The following FER variants were observed in gnomAD, a reference collection of about 807,000 sequenced individuals.
FER encodes FER tyrosine kinase.
Under a neutral mutation model 111.0 loss-of-function variants are expected in FER, and 63 were observed. The ratio of observed to expected loss-of-function variants is 0.57; its 90% CI spans 0.46 to 0.70. The LOEUF (loss-of-function observed/expected upper bound fraction) is 0.70, where lower values mean the gene tolerates loss of function less well. Ranked by LOEUF, FER falls within the 30% of genes least tolerant of loss-of-function variation. The probability of loss-of-function intolerance (pLI) is 0.00; values close to 1 mark genes in which losing one functional copy is unlikely to be tolerated. For synonymous variants in FER, 327 were observed against 313.9 expected (o/e 1.04, Z -0.44); for missense variants, 914 against 954.0 (o/e 0.96, Z 0.55).
At chr5:108,810,279 G>C (rs1757618092) in intron 3 of FER, among the ~76,000 whole-genome samples, 1 of 152,158 alleles carries the variant, frequency 6.6e-6, no homozygotes, top group South Asian at 2.1e-4. Context: ...ACGTGGCTGT[G>C]GCTAACACAG....
chr5:109,132,172 C>G (rs575367385), intron 17 of FER, among the ~76,000 whole-genome samples: 52 of 152,194 alleles, frequency 3.4e-4, no homozygotes, highest in Non-Finnish European at 1.8e-4. Context: ...TTAAAAATTA[C>G]CCAATTCCCA....
chr5:108,824,372 T>A (rs1353335675), intron 3 of FER, among the ~76,000 whole-genome samples: 1 of 151,992 alleles, frequency 6.6e-6, no homozygotes, highest in African/African-American at 2.4e-5. Context: ...TTGCTTTCAA[T>A]CTGTAGATTG....
chr5:109,044,189 T>G (rs927011192), intron 14 of FER, among the ~76,000 whole-genome samples: 1 of 151,746 alleles, frequency 6.6e-6, no homozygotes, highest in African/African-American at 2.4e-5. Flanking sequence ...GGCCTTTTTT[T>G]TTTTTTGGAG....
At chr5:108,752,198 C>A (rs1750583217) in intron 1 of FER, among the ~76,000 whole-genome samples, 1 of 151,998 alleles carries the variant, frequency 6.6e-6, no homozygotes, top group Admixed American at 6.5e-5. Context: ...AATCAAGGCT[C>A]CAATTTTCCC....
intron 3 of FER, among the ~76,000 whole-genome samples, chr5:108,810,191 C>A (rs1757605487): frequency 6.6e-6 from 1 of 152,096 alleles, no homozygotes; most frequent in South Asian, 2.1e-4. Context: ...GTATGGACTT[C>A]CGTTGGCAGG....
chr5:108,801,484 G>A (rs1443555528), intron 3 of FER, among the ~76,000 whole-genome samples: 1 of 152,196 alleles, frequency 6.6e-6, no homozygotes, highest in African/African-American at 2.4e-5. Context: ...GTAGATGCCT[G>A]AAGCTGTGGA....
chr5:109,061,115 T>G (rs944072060), intron 16 of FER, among the ~76,000 whole-genome samples: 1 of 152,202 alleles, frequency 6.6e-6, no homozygotes, highest in African/African-American at 2.4e-5. Flanking sequence ...ATGTTTAGCC[T>G]TTATACGTGT....
At chr5:108,899,565 G>A (rs78567064) in intron 10 of FER, among the ~76,000 whole-genome samples, 9,273 of 152,014 alleles carry the variant, frequency 0.061, 371 homozygotes, top group Non-Finnish European at 0.082. Flanking sequence ...TTGGGAGGCC[G>A]AGGTGGGTGG....
chr5:108,990,225 A>G (rs1481509828), intron 13 of FER, among the ~76,000 whole-genome samples: 2 of 151,966 alleles, frequency 1.3e-5, no homozygotes, highest in South Asian at 2.1e-4. Context: ...TTTACATAGT[A>G]TTAGAAGGAA....
intron 13 of FER, among the ~76,000 whole-genome samples, chr5:108,966,868 C>T (rs1039320570): frequency 6.6e-6 from 1 of 152,068 alleles, no homozygotes; most frequent in Non-Finnish European, 1.5e-5. Context: ...GTAACATACA[C>T]AGTAACATTG....
At chr5:109,027,536 C>G (rs72790554) in intron 13 of FER, among the ~76,000 whole-genome samples, 1 of 152,008 alleles carries the variant, frequency 6.6e-6, no homozygotes. Context: ...AGTCACACTT[C>G]TAATCACTCT....
chr5:108,927,032 G>C (rs886880553), intron 10 of FER, among the ~76,000 whole-genome samples: 4 of 151,986 alleles, frequency 2.6e-5, no homozygotes, highest in Admixed American at 2.0e-4. Context: ...TGGGTCATCT[G>C]TTCCCTCCAA....
chr5:109,117,638 G>C (rs950398401), intron 17 of FER, among the ~76,000 whole-genome samples: 3 of 151,970 alleles, frequency 2.0e-5, no homozygotes, highest in Non-Finnish European at 4.4e-5. Context: ...TCCTACCCAT[G>C]AGCATGGAAT....
intron 17 of FER, among the ~76,000 whole-genome samples, chr5:109,169,631 T>G (rs1000673386): frequency 5.3e-5 from 8 of 152,176 alleles, no homozygotes; most frequent in Non-Finnish European, 8.8e-5. Flanking sequence ...TACTGAAAAC[T>G]GTTTTCCATT....
intron 3 of FER, among the ~76,000 whole-genome samples, chr5:108,825,454 G>T (rs1489007960): frequency 6.6e-6 from 1 of 152,144 alleles, no homozygotes; most frequent in African/African-American, 2.4e-5. Flanking sequence ...GCTCACCGGC[G>T]GTCAGAGTTT....
At chr5:108,913,280 T>C (rs1353773043) in intron 10 of FER, among the ~76,000 whole-genome samples, 1 of 152,190 alleles carries the variant, frequency 6.6e-6, no homozygotes. Flanking sequence ...AATGAAACCA[T>C]CAGCATTTAG....
chr5:108,768,498 A>G (rs539448237), intron 2 of FER, among the ~76,000 whole-genome samples: 3 of 152,312 alleles, frequency 2.0e-5, no homozygotes, highest in Non-Finnish European at 4.4e-5. Flanking sequence ...TCTCTTCCTC[A>G]ATCTGTGTGC....
At chr5:108,994,936 C>T (rs762774994) in intron 13 of FER, among the ~76,000 whole-genome samples, 1 of 152,122 alleles carries the variant, frequency 6.6e-6, no homozygotes, top group Non-Finnish European at 1.5e-5. Context: ...TATAGGAATG[C>T]TTGTGATTTT....
chr5:109,129,494 A>G (rs943743566), intron 17 of FER, among the ~76,000 whole-genome samples: 4 of 152,010 alleles, frequency 2.6e-5, no homozygotes, highest in African/African-American at 9.7e-5. Flanking sequence ...CTTTTATTTC[A>G]CTGCTTTCTA....
Sources: gnomAD v4.1 joint callset for allele counts (sites outside exome capture counted in the v4.1 genomes callset) on GRCh38, gnomAD v4.1.1 for gene constraint, MANE v1.5 for transcripts, NCBI Gene and HGNC (gene_info 2026-07-23, HGNC 2026-07-21) for gene names.